Variants in CASC3 observed in about 807,000 individuals in gnomAD.
CASC3 encodes the protein protein CASC3.
Under a neutral mutation model 80.5 loss-of-function variants are expected in CASC3, and 30 were observed. That is an observed-to-expected ratio of 0.37 (90% CI 0.28 to 0.51). CASC3 has a LOEUF of 0.51. Ranked by LOEUF, CASC3 falls within the 20% of genes least tolerant of loss-of-function variation. The pLI, the probability that CASC3 is intolerant of heterozygous loss-of-function variation, is 0.94. For synonymous variants in CASC3, 312 were observed against 333.6 expected, an observed-to-expected ratio of 0.94 and a Z score of 0.70; for missense variants, 824 against 922.2, an observed-to-expected ratio of 0.89 and a Z score of 1.38.
At position 40,141,627 on chromosome 17, in the gene CASC3, TC is replaced by T. The variant is rs775395017; in HGVS notation, c.297+22del. 3 of 1,599,642 alleles carry T rather than the reference TC, an allele frequency of 1.9e-6. No homozygotes were observed. In the African/African-American group the frequency reaches 4.0e-5, roughly 21 times the overall value. On this transcript the variant is annotated intron_variant, in intron 3 of 13. Coordinates refer to ENST00000264645, the MANE Select transcript of CASC3 (RefSeq NM_007359.5). ...TCGGAAGTGAGTATGACAGGTTTTT[TC>T]CTATGGTATAGATCAGAAATGCTTT...
chr17:40,171,321 C>T lies in CASC3; in HGVS notation c.*916C>T, dbSNP rs1246768948. ...TTTAGGGGTGTGTATTCACATAGTC[C>T]TCAGGGCTCAGTCTTTTGAGGTAAG... On this transcript the variant is annotated 3_prime_UTR_variant, in exon 14 of 14. Coordinates refer to ENST00000264645, the MANE Select transcript of CASC3 (RefSeq NM_007359.5). 1 of 985,980 alleles carries T rather than the reference C, an allele frequency of 1.0e-6. No homozygotes were observed. Among genetic ancestry groups the T allele is most frequent in the East Asian group, 1.1e-4 (1 of 8,950 alleles). The allele number at this position is 985,980 out of a possible 1,614,324, so 61.1% of individuals were successfully genotyped here. A position where few individuals can be genotyped will look rare whatever the true frequency, so the allele number is the denominator to read the frequency against.
At chr17:40,160,356 G>C (rs868630084) in intron 3 of CASC3, among the ~76,000 whole-genome samples, 1 of 152,180 alleles carries the variant, frequency 6.6e-6, no homozygotes. Context: ...TCAGCCAGGT[G>C]TGGTGGCATG....
At chr17:40,167,659 T>G (rs1286630734) in intron 9 of CASC3, 47 bp downstream of exon 9, 6 of 1,451,222 alleles carry the variant, frequency 4.1e-6, no homozygotes, top group Non-Finnish European at 5.8e-6. Flanking sequence ...CAGGGTGAAG[T>G]GAAGTAAGAT....
At chr17:40,158,268 G>A (rs1211598317) in intron 3 of CASC3, among the ~76,000 whole-genome samples, 1 of 152,176 alleles carries the variant, frequency 6.6e-6, no homozygotes. Flanking sequence ...CTCATGTTGA[G>A]CCTCTTTGAC....
chr17:40,142,538 G>A (rs1027999104), intron 3 of CASC3, among the ~76,000 whole-genome samples: 2 of 152,020 alleles, frequency 1.3e-5, no homozygotes, highest in Non-Finnish European at 2.9e-5. Context: ...TTGGAAGGCT[G>A]AGGCAGACGG....
intron 7 of CASC3, among the ~76,000 whole-genome samples, chr17:40,166,520 A>G (rs1256693624): frequency 6.7e-6 from 1 of 149,836 alleles, no homozygotes; most frequent in African/African-American, 2.6e-5. Flanking sequence ...GCAGGGAACA[A>G]TTTGATAGGA....
At position 40,140,570 on chromosome 17, in the gene CASC3, C is replaced by T. The variant is rs982794113; in HGVS notation, c.22C>T (p.Arg8Cys). Reference protein sequence around the residue: MADRRRQRASQDTEDEES... With the variant: MADRRRQCASQDTEDEES... Reference sequence around the variant, plus strand: ...TAAGATGGCGGACCGGCGGCGGCAGCGCGCTTCGCAAGACACCGAGGACGA... The same window carrying T: ...TAAGATGGCGGACCGGCGGCGGCAGTGCGCTTCGCAAGACACCGAGGACGA... The change falls in exon 1 of 14, where the codon CGC becomes TGC. Residue 8 changes from arginine to cysteine, a missense_variant. Physicochemically the swap from Arg to Cys is radical, Grantham distance 180. This residue lies in a region of CASC3 where 159 missense variants were observed against 122.2 expected (regional missense o/e 1.30). Transcript: ENST00000264645. The T allele has an allele frequency of 3.1e-6, 5 of 1,608,482 alleles. No homozygotes were observed. Among genetic ancestry groups the T allele is most frequent in the Non-Finnish European group, 3.4e-6 (4 of 1,179,592 alleles).
chr17:40,166,440 C>T (rs1989450755), intron 7 of CASC3, among the ~76,000 whole-genome samples: 1 of 152,174 alleles, frequency 6.6e-6, no homozygotes, highest in Non-Finnish European at 1.5e-5. Flanking sequence ...TGCTCAGAAA[C>T]TCTTGGGCTG....
chr17:40,141,663 T>G, intron 3 of CASC3, 56 bp downstream of exon 3: 1 of 1,293,032 alleles, frequency 7.7e-7, no homozygotes, highest in Non-Finnish European at 1.1e-6. Flanking sequence ...TTTAAAAACG[T>G]GTACACACCT....
At chr17:40,145,151 G>T (rs1297014603) in intron 3 of CASC3, among the ~76,000 whole-genome samples, 1 of 150,548 alleles carries the variant, frequency 6.6e-6, no homozygotes, top group African/African-American at 2.4e-5. Flanking sequence ...ATGAGCCACC[G>T]TGCCCCCCAT....
intron 3 of CASC3, among the ~76,000 whole-genome samples, chr17:40,146,432 CTT>C (rs761549032): frequency 0.026 from 3,566 of 134,944 alleles, 134 homozygotes; most frequent in African/African-American, 0.088. Context: ...AGTACGATTT[CTT>C]TTTTTTTTTT....
At chr17:40,144,546 T>C (rs1377056917) in intron 3 of CASC3, among the ~76,000 whole-genome samples, 2 of 151,502 alleles carry the variant, frequency 1.3e-5, no homozygotes, top group Admixed American at 1.3e-4. Flanking sequence ...GGTTTTACCA[T>C]GTTGGCCAGG....
chr17:40,151,514 T>G (rs1443653865), intron 3 of CASC3, among the ~76,000 whole-genome samples: 1 of 151,792 alleles, frequency 6.6e-6, no homozygotes, highest in Non-Finnish European at 1.5e-5. Flanking sequence ...GCCTGGCCCG[T>G]AAGACCTTAT....
chr17:40,172,077 C>T lies in CASC3; in HGVS notation c.*1672C>T, dbSNP rs1200872752. On this transcript the variant is annotated 3_prime_UTR_variant, in exon 14 of 14. Coordinates refer to ENST00000264645, the MANE Select transcript of CASC3 (RefSeq NM_007359.5). Reference sequence around the variant, plus strand: ...CTGTGTTTAGTTGCAAGGATTTTTCCATGTGTGGTGGTGTTTTTTGTTACT... The same window carrying T: ...CTGTGTTTAGTTGCAAGGATTTTTCTATGTGTGGTGGTGTTTTTTGTTACT... 3 of 1,289,922 alleles carry T rather than the reference C, an allele frequency of 2.3e-6. No homozygotes were observed. The Admixed American group carries it at 6.9e-5, about 30-fold the overall frequency. The allele number at this position is 1,289,922 out of a possible 1,614,324, so 79.9% of individuals were successfully genotyped here.
Position 40,162,104 on chromosome 17 carries a change from C to T in CASC3, c.559C>T (p.Leu187Phe). ...KNPAYIPRKG[L>F]FFEHDLRGQT... ...TCCAGCATACATACCTCGGAAAGGG[C>T]TCTTCTTTGAGCATGATCTTCGAGG... The change falls in exon 5 of 14, where the codon CTC becomes TTC. Residue 187 changes from leucine to phenylalanine, a missense_variant. Leu to Phe is a conservative substitution (Grantham distance 22). Around this residue, in one of 3 missense-constraint regions of CASC3, gnomAD observed 201 missense variants for 294.1 expected, o/e 0.68. Transcript: ENST00000264645. 1 of 1,614,024 alleles carries T rather than the reference C, an allele frequency of 6.2e-7. No individual in the cohort carries two copies.
At chr17:40,150,779 AAGGCAGGCAGATCACG>A (rs958564062) in intron 3 of CASC3, among the ~76,000 whole-genome samples, 1 of 152,102 alleles carries the variant, frequency 6.6e-6, no homozygotes, top group African/African-American at 2.4e-5. Context: ...TTGGGAGGCT[AAGGCAGGCAGATCACG>A]AGGTCAGGAG....
Position 40,163,636 on chromosome 17 carries a change from C to T in CASC3, c.941C>T (p.Ser314Phe). The T allele has an allele frequency of 1.2e-6, 2 of 1,614,130 alleles. No individual in the cohort carries two copies. The highest frequency in any genetic ancestry group is 8.5e-7 in the Non-Finnish European group (1 of 1,180,022). The change falls in exon 7 of 14, where the codon TCT becomes TTT. Residue 314 changes from serine (S) to phenylalanine (F), a missense_variant. By Grantham distance (155) the Ser-to-Phe change is radical. Coordinates refer to ENST00000264645, the MANE Select transcript of CASC3 (RefSeq NM_007359.5). ...TGRMSAPRNY[S>F]RSGGFKEGRA... ...CGTATGTCTGCACCCAGGAATTATT[C>T]TCGATCTGGGGGCTTCAAGGAAGGT... is the stretch of plus-strand genomic sequence containing the variant.
intron 3 of CASC3, among the ~76,000 whole-genome samples, chr17:40,156,758 GT>G (rs1312425231): frequency 1.3e-5 from 2 of 152,104 alleles, no homozygotes; most frequent in Non-Finnish European, 1.5e-5. Flanking sequence ...TGCCTATCCT[GT>G]CTGGGTACAG....
In CASC3 at chr17:40,169,625, A is replaced by G. The variant is rs2145185459; in HGVS notation, c.*4A>G. The stretch of plus-strand genomic sequence containing the variant: ...TGTAAGCAGGGGTTCCAGTTAATAC[A>G]AGTTTCTGAATATTTTAAATCTTAA... On this transcript the variant is annotated 3_prime_UTR_variant, in exon 13 of 14. Transcript: ENST00000264645. 1 of 1,590,898 alleles carries G rather than the reference A, an allele frequency of 6.3e-7. No homozygotes were observed. Among genetic ancestry groups the G allele is most frequent in the Non-Finnish European group, 8.5e-7 (1 of 1,170,460 alleles).
Sources: gnomAD v4.1 joint callset for allele counts (sites outside exome capture counted in the v4.1 genomes callset) on GRCh38, gnomAD v4.1.1 for gene constraint, gnomAD v4.1.1 regional missense constraint, MANE v1.5 for transcripts, NCBI Gene and HGNC (gene_info 2026-07-23, HGNC 2026-07-21) for gene names.